The following PLCB1 variants were observed in gnomAD, a reference collection of about 807,000 sequenced individuals.
The protein encoded by PLCB1 is phospholipase C beta 1.
PLCB1 carries 46 observed loss-of-function variants against 161.8 expected under a neutral mutation model. The observed-to-expected ratio is 0.28, with a 90% CI of 0.22 to 0.36. The LOEUF (loss-of-function observed/expected upper bound fraction) is 0.36, where lower values mean the gene tolerates loss of function less well. Among genes scored for constraint, PLCB1 ranks in the 10% least tolerant of loss-of-function variants. PLCB1 has a pLI of 1.00. For missense variants in PLCB1, 1,016 were observed against 1,472.5 expected (o/e 0.69, Z 5.07); for synonymous variants, 517 against 503.7 (o/e 1.03, Z -0.35).
At chr20:8,805,816 C>T (rs1189998373) in intron 31 of PLCB1, among the ~76,000 whole-genome samples, 1 of 152,140 alleles carries the variant, frequency 6.6e-6, no homozygotes, top group Non-Finnish European at 1.5e-5. Context: ...GGTGACTTCT[C>T]TTTCTTATGT....
intron 9 of PLCB1, among the ~76,000 whole-genome samples, chr20:8,674,137 A>C (rs1344706501): frequency 1.3e-5 from 2 of 152,356 alleles, no homozygotes; most frequent in East Asian, 3.9e-4. Context: ...CATCCTCATG[A>C]AACTCACAAT....
chr20:8,827,533 T>C (rs1985763608), intron 31 of PLCB1, among the ~76,000 whole-genome samples: 1 of 152,204 alleles, frequency 6.6e-6, no homozygotes, highest in Admixed American at 6.5e-5. Flanking sequence ...AAATATAAAT[T>C]ATTGAAAAAT....
intron 3 of PLCB1, among the ~76,000 whole-genome samples, chr20:8,439,879 T>A (rs1980477969): frequency 6.6e-6 from 1 of 152,188 alleles, no homozygotes; most frequent in African/African-American, 2.4e-5. Context: ...GACTAAGTCA[T>A]CCCTTGCCCT....
At position 8,683,938 on chromosome 20, in the gene PLCB1, T is replaced by C. The variant is rs1028138285; in HGVS notation, c.863-994T>C. On this transcript the variant is annotated intron_variant, in intron 9 of 31. Transcript: ENST00000338037. Reference sequence around the variant, plus strand: ...TCGCTCTGTCACCCAGGCTGGAGTGTAGTGGTGCGATCTCAGCTCACTGCA... The same window carrying C: ...TCGCTCTGTCACCCAGGCTGGAGTGCAGTGGTGCGATCTCAGCTCACTGCA... Among the ~76,000 whole-genome samples, 17 of 150,526 alleles carry C rather than the reference T, an allele frequency of 1.1e-4. No individual in the cohort carries two copies. The South Asian group carries it at 1.3e-3, about 11-fold the overall frequency.
chr20:8,533,725 T>A (rs1301195365), intron 3 of PLCB1, among the ~76,000 whole-genome samples: 1 of 151,408 alleles, frequency 6.6e-6, no homozygotes, highest in African/African-American at 2.4e-5. Context: ...GTTTTTTTCT[T>A]GTAAATTTGT....
chr20:8,464,956 T>C (rs1040806701), intron 3 of PLCB1, among the ~76,000 whole-genome samples: 2 of 152,186 alleles, frequency 1.3e-5, no homozygotes, highest in South Asian at 4.1e-4. Flanking sequence ...TTCCTAGATA[T>C]TCTTTTTGCT....
At chr20:8,489,430 G>A (rs955845722) in intron 3 of PLCB1, among the ~76,000 whole-genome samples, 16 of 152,062 alleles carry the variant, frequency 1.1e-4, no homozygotes, top group Non-Finnish European at 1.5e-4. Context: ...TAAATAAATC[G>A]TTGTAATAAA....
At chr20:8,861,056 G>A (rs530309400) in intron 31 of PLCB1, among the ~76,000 whole-genome samples, 9 of 152,276 alleles carry the variant, frequency 5.9e-5, no homozygotes, top group Non-Finnish European at 1.3e-4. Flanking sequence ...GAAGAAGAAG[G>A]TGAATAGAAA....
chr20:8,206,098 G>A (rs1978514322), intron 2 of PLCB1, among the ~76,000 whole-genome samples: 1 of 152,168 alleles, frequency 6.6e-6, no homozygotes, highest in Non-Finnish European at 1.5e-5. Flanking sequence ...TCCTCCTACA[G>A]TAAGCTTCAT....
At chr20:8,332,081 T>A (rs193175348) in intron 2 of PLCB1, among the ~76,000 whole-genome samples, 56 of 152,334 alleles carry the variant, frequency 3.7e-4, no homozygotes, top group Admixed American at 2.6e-3. Context: ...CTAGAATTTC[T>A]GGTCGCTGAA....
In PLCB1 at chr20:8,723,670, A is replaced by C. The variant is rs187850527; in HGVS notation, c.1582-986A>C. On this transcript the variant is annotated intron_variant, in intron 15 of 31. Coordinates refer to ENST00000338037, the MANE Select transcript of PLCB1 (RefSeq NM_015192.4). The stretch of plus-strand genomic sequence containing the variant: ...AAACCCCTATATGCTGTAGGAACTG[A>C]TTTTATCCTAATTTTACAAATGAGT... Among the ~76,000 whole-genome samples, 422 of 152,248 alleles carry C rather than the reference A, an allele frequency of 2.8e-3. 5 individuals are homozygous for C. Among genetic ancestry groups the C allele is most frequent in the Admixed American group, 0.024 (364 of 15,272 alleles).
At chr20:8,424,101 C>A (rs1223662249) in intron 3 of PLCB1, among the ~76,000 whole-genome samples, 1 of 152,140 alleles carries the variant, frequency 6.6e-6, no homozygotes, top group Non-Finnish European at 1.5e-5. Flanking sequence ...CTTGGTAGGC[C>A]TACAGGTTAT....
rs375981639 is a variant in PLCB1 at position 8,514,073 on chromosome 20, G to A, written c.247-114221G>A. ...AAAAGTATTTTAAACCTGTCATTAA[G>A]AAGAAAAAAGATGTAATTACACACT... is the stretch of plus-strand genomic sequence containing the variant. On this transcript the variant is annotated intron_variant, in intron 3 of 31. Transcript: ENST00000338037. 3.8e-4 allele frequency among the ~76,000 whole-genome samples: 58 copies of A among 150,952 alleles called. No homozygotes were observed. In the East Asian group the frequency reaches 8.4e-3, roughly 22 times the overall value.
At chr20:8,584,472 A>C (rs1309880039) in intron 3 of PLCB1, among the ~76,000 whole-genome samples, 2 of 134,544 alleles carry the variant, frequency 1.5e-5, no homozygotes, top group African/African-American at 6.2e-5. Flanking sequence ...ACACACACAT[A>C]CACACACACA....
intron 12 of PLCB1, among the ~76,000 whole-genome samples, chr20:8,710,594 A>G (rs932406340): frequency 3.6e-5 from 5 of 137,816 alleles, no homozygotes; most frequent in Non-Finnish European, 6.0e-5. Context: ...GGTTCACTGC[A>G]ACCTCCATCT....
chr20:8,623,202 G>T (rs1266089621), intron 3 of PLCB1, among the ~76,000 whole-genome samples: 1 of 152,010 alleles, frequency 6.6e-6, no homozygotes. Flanking sequence ...CTCTCTGACT[G>T]CTTCCAAGAA....
chr20:8,872,281 A>C (rs1447654592), intron 31 of PLCB1, among the ~76,000 whole-genome samples: 1 of 152,226 alleles, frequency 6.6e-6, no homozygotes, highest in Non-Finnish European at 1.5e-5. Flanking sequence ...ATTGATTTCC[A>C]TTGTGAATGG....
intron 31 of PLCB1, among the ~76,000 whole-genome samples, chr20:8,870,721 A>G (rs1181209318): frequency 2.0e-5 from 3 of 152,278 alleles, no homozygotes; most frequent in African/African-American, 7.2e-5. Flanking sequence ...CTTTCTGGCA[A>G]CTTAGCAACC....
At chr20:8,577,923 G>T (rs1336549295) in intron 3 of PLCB1, among the ~76,000 whole-genome samples, 1 of 152,174 alleles carries the variant, frequency 6.6e-6, no homozygotes, top group Non-Finnish European at 1.5e-5. Flanking sequence ...CTGGGTCTGT[G>T]CGTGTGAGCT....
Sources: gnomAD v4.1 joint callset for allele counts (sites outside exome capture counted in the v4.1 genomes callset) on GRCh38, gnomAD v4.1.1 for gene constraint, MANE v1.5 for transcripts, NCBI Gene and HGNC (gene_info 2026-07-23, HGNC 2026-07-21) for gene names.